PCDH15: variants seen among roughly 807,000 people sequenced by gnomAD.
PCDH15 encodes protocadherin related 15, also known as protocadherin-15.
PCDH15 carries 129 observed loss-of-function variants against 178.5 expected under a neutral mutation model. The observed-to-expected ratio is 0.72, with a 90% CI of 0.63 to 0.84. The LOEUF (loss-of-function observed/expected upper bound fraction) is 0.84, where lower values mean the gene tolerates loss of function less well. Among genes scored for constraint, PCDH15 ranks in the 40% least tolerant of loss-of-function variants. PCDH15 has a pLI of 0.00. For missense variants in PCDH15, 2,230 were observed against 2,099.9 expected, an observed-to-expected ratio of 1.06 and a Z score of -1.21; for synonymous variants, 800 against 732.0, an observed-to-expected ratio of 1.09 and a Z score of -1.50.
intron 15 of PCDH15, among the ~76,000 whole-genome samples, chr10:54,098,344 T>G (rs1363609017): frequency 3.3e-5 from 5 of 152,070 alleles, no homozygotes; most frequent in African/African-American, 1.2e-4. Flanking sequence ...TATCTTTATT[T>G]ATAATTATTA....
At chr10:54,486,631 A>G (rs2079123005) in intron 3 of PCDH15, among the ~76,000 whole-genome samples, 2 of 150,494 alleles carry the variant, frequency 1.3e-5, no homozygotes, top group South Asian at 4.2e-4. Context: ...CTTCCTGTAC[A>G]CTGATTTTTT....
intron 2 of PCDH15, among the ~76,000 whole-genome samples, chr10:54,575,827 T>TTGTC (rs2090415417): frequency 1.3e-5 from 2 of 152,188 alleles, no homozygotes; most frequent in Non-Finnish European, 2.9e-5. Flanking sequence ...TTACTAATTT[T>TTGTC]AACAGAAGGC....
Position 54,003,848 on chromosome 10 carries a change from C to A in PCDH15, c.2752-8083G>T, listed in dbSNP as rs150363965. ...GACAAAGAGACATCCAAAAAAGAAA[C>A]TATAGGCAATCTCCTTGATGAATAT... On this transcript the variant is annotated intron_variant, in intron 20 of 37. Transcript: ENST00000644397. Among the ~76,000 whole-genome samples the A allele has an allele frequency of 4.2e-3, 615 of 146,930 alleles. 3 individuals carry two copies. Among genetic ancestry groups the A allele is most frequent in the African/African-American group, 0.014 (576 of 39,896 alleles).
intron 1 of PCDH15, among the ~76,000 whole-genome samples, chr10:54,737,669 T>G (rs1050033960): frequency 6.6e-6 from 1 of 151,526 alleles, no homozygotes; most frequent in African/African-American, 2.4e-5. Flanking sequence ...ATAAATTTGA[T>G]GACATTTAAG....
At chr10:54,925,982 G>A (rs1837613736) in intron 2 of PCDH15, among the ~76,000 whole-genome samples, 1 of 152,030 alleles carries the variant, frequency 6.6e-6, no homozygotes, top group Non-Finnish European at 1.5e-5. Context: ...TTCCAATACT[G>A]TGTGTAATAG....
intron 3 of PCDH15, among the ~76,000 whole-genome samples, chr10:54,447,612 G>T (rs2076224641): frequency 6.6e-6 from 1 of 151,488 alleles, no homozygotes; most frequent in South Asian, 2.1e-4. Flanking sequence ...TGTTACTGAG[G>T]TAATCAAAGC....
intron 2 of PCDH15, among the ~76,000 whole-genome samples, chr10:55,136,309 T>C (rs1189681546): frequency 6.6e-6 from 1 of 152,158 alleles, no homozygotes; most frequent in Non-Finnish European, 1.5e-5. Flanking sequence ...AGGATTGGAT[T>C]AACACCAAGT....
chr10:55,091,710 G>C (rs1157276993), intron 2 of PCDH15, among the ~76,000 whole-genome samples: 1 of 151,774 alleles, frequency 6.6e-6, no homozygotes, highest in Non-Finnish European at 1.5e-5. Context: ...CAGGATTTTT[G>C]TCAATTATTT....
intron 2 of PCDH15, among the ~76,000 whole-genome samples, chr10:54,555,074 A>G (rs2133248048): frequency 6.6e-6 from 1 of 152,274 alleles, no homozygotes; most frequent in African/African-American, 2.4e-5. Context: ...AAAAGGAAGG[A>G]TGTGATAAGG....
chr10:53,874,147 G>C (rs2080060743), intron 26 of PCDH15, among the ~76,000 whole-genome samples: 2 of 151,872 alleles, frequency 1.3e-5, no homozygotes, highest in South Asian at 4.2e-4. Context: ...TTTTTTTACT[G>C]ACCTGGGTAA....
intron 3 of PCDH15, among the ~76,000 whole-genome samples, chr10:54,399,865 A>T (rs1392438988): frequency 6.6e-6 from 1 of 152,168 alleles, no homozygotes; most frequent in Non-Finnish European, 1.5e-5. Context: ...GTCTCCAAAG[A>T]ATCTGCCTAC....
At chr10:54,074,551 T>A (rs1590250884) in intron 17 of PCDH15, among the ~76,000 whole-genome samples, 1 of 152,330 alleles carries the variant, frequency 6.6e-6, no homozygotes, top group East Asian at 1.9e-4. Flanking sequence ...GAATGATATT[T>A]CATTATATGT....
intron 2 of PCDH15, among the ~76,000 whole-genome samples, chr10:54,928,588 T>A (rs1487895809): frequency 6.6e-6 from 1 of 152,158 alleles, no homozygotes; most frequent in African/African-American, 2.4e-5. Flanking sequence ...GAGTCATAGA[T>A]TTGGTCTCTA....
chr10:54,212,697 C>T (rs1304721192), intron 10 of PCDH15, among the ~76,000 whole-genome samples: 1 of 152,056 alleles, frequency 6.6e-6, no homozygotes, highest in African/African-American at 2.4e-5. Context: ...CCTTTCTAGA[C>T]TATAAGTTTT....
At chr10:55,259,264 A>T (rs978550447) in intron 1 of PCDH15, among the ~76,000 whole-genome samples, 2 of 152,328 alleles carry the variant, frequency 1.3e-5, no homozygotes, top group African/African-American at 2.4e-5. Flanking sequence ...ATACATAAAC[A>T]TATAAAAGCT....
At chr10:55,328,073 C>T (rs541331984) in intron 2 of PCDH15, among the ~76,000 whole-genome samples, 6 of 151,844 alleles carry the variant, frequency 4.0e-5, no homozygotes, top group East Asian at 1.9e-4. Flanking sequence ...TCTAATAAAA[C>T]GAAACTTTGT....
chr10:54,577,388 G>C (rs952130339), intron 2 of PCDH15, among the ~76,000 whole-genome samples: 1 of 151,696 alleles, frequency 6.6e-6, no homozygotes, highest in South Asian at 2.1e-4. Flanking sequence ...CACCGCTCCC[G>C]GCTGAAAATT....
chr10:53,822,939 T>C (rs1172241953), intron 32 of PCDH15: 2 of 1,614,116 alleles, frequency 1.2e-6, no homozygotes, highest in Non-Finnish European at 1.7e-6. Flanking sequence ...CTGCTGCAGA[T>C]CTATGATCTC....
chr10:54,589,428 A>G (rs569788155), intron 2 of PCDH15, among the ~76,000 whole-genome samples: 1 of 152,220 alleles, frequency 6.6e-6, no homozygotes, highest in East Asian at 1.9e-4. Context: ...CAGTTTTCCT[A>G]TACTCTCTCT....
Sources: gnomAD v4.1 joint callset for allele counts (sites outside exome capture counted in the v4.1 genomes callset) on GRCh38, gnomAD v4.1.1 for gene constraint, MANE v1.5 for transcripts, NCBI Gene and HGNC (gene_info 2026-07-23, HGNC 2026-07-21) for gene names.